GPR39: variants seen among roughly 807,000 people sequenced by gnomAD.
GPR39 encodes the protein zinc sensing receptor.
GPR39 carries 23 observed loss-of-function variants against 18.4 expected under a neutral mutation model. The ratio of observed to expected loss-of-function variants is 1.25; its 90% CI spans 0.90 to 1.77. The LOEUF is 1.77. Among genes scored for constraint, GPR39 ranks in the 40% most tolerant of loss-of-function variants. The probability of loss-of-function intolerance (pLI) is 0.00; values close to 1 mark genes in which losing one functional copy is unlikely to be tolerated. For synonymous variants in GPR39, 280 were observed against 257.9 expected (o/e 1.09, Z -0.82); for missense variants, 647 against 602.4 (o/e 1.07, Z -0.78).
chr2:132,425,150 C>G (rs937914036), intron 1 of GPR39, among the ~76,000 whole-genome samples: 3 of 152,210 alleles, frequency 2.0e-5, no homozygotes, highest in African/African-American at 7.2e-5. Flanking sequence ...ACCACTTACA[C>G]TAGCATTCTG....
intron 1 of GPR39, among the ~76,000 whole-genome samples, chr2:132,450,275 CATAGA>C: frequency 1.3e-5 from 2 of 152,298 alleles, no homozygotes; most frequent in African/African-American, 4.8e-5. Flanking sequence ...TGCTGATCAG[CATAGA>C]ATTGATGCAA....
intron 1 of GPR39, among the ~76,000 whole-genome samples, chr2:132,487,857 G>T (rs917183055): frequency 2.6e-5 from 4 of 152,026 alleles, no homozygotes; most frequent in African/African-American, 9.7e-5. Context: ...TATTGGAAAA[G>T]AGGCAATATT....
intron 1 of GPR39, among the ~76,000 whole-genome samples, chr2:132,497,032 G>A (rs1055273068): frequency 1.3e-5 from 2 of 152,196 alleles, no homozygotes; most frequent in Admixed American, 1.3e-4. Flanking sequence ...TGACAGCAGT[G>A]ATTATCTGAT....
intron 1 of GPR39, among the ~76,000 whole-genome samples, chr2:132,441,285 T>G (rs1366290612): frequency 6.6e-6 from 1 of 152,190 alleles, no homozygotes; most frequent in African/African-American, 2.4e-5. Context: ...GACAGTTCCC[T>G]GTTTACAGAT....
intron 1 of GPR39, among the ~76,000 whole-genome samples, chr2:132,459,263 G>A (rs1314643434): frequency 6.6e-6 from 1 of 152,206 alleles, no homozygotes; most frequent in African/African-American, 2.4e-5. Flanking sequence ...AAGATTGAAT[G>A]TTAGTCATGT....
intron 1 of GPR39, among the ~76,000 whole-genome samples, chr2:132,437,224 T>G (rs552244318): frequency 6.6e-6 from 1 of 152,306 alleles, no homozygotes; most frequent in South Asian, 2.1e-4. Flanking sequence ...TGAACGATAT[T>G]CACCCATCCT....
At chr2:132,534,279 C>T (rs1380740777) in intron 1 of GPR39, among the ~76,000 whole-genome samples, 1 of 151,478 alleles carries the variant, frequency 6.6e-6, no homozygotes, top group African/African-American at 2.4e-5. Flanking sequence ...CAAATCAAAA[C>T]CACTATGAGA....
chr2:132,587,975 G>A (rs919099887), intron 1 of GPR39, among the ~76,000 whole-genome samples: 3 of 152,218 alleles, frequency 2.0e-5, no homozygotes, highest in African/African-American at 7.2e-5. Context: ...TAAGGTTCAT[G>A]AGTTTCATGG....
chr2:132,558,173 T>C lies in GPR39; in HGVS notation c.857-86928T>C, dbSNP rs569656466. Reference sequence around the variant, plus strand: ...GAATGTGACCCCTACAGAAGCGTCATCCTCCTTAGCTTCTCTAGCTCTGAC... The same window carrying C: ...GAATGTGACCCCTACAGAAGCGTCACCCTCCTTAGCTTCTCTAGCTCTGAC... On this transcript the variant is annotated intron_variant, in intron 1 of 1. Coordinates refer to ENST00000329321, the MANE Select transcript of GPR39 (RefSeq NM_001508.3). Among the ~76,000 whole-genome samples, 19 of 152,126 alleles carry C rather than the reference T, an allele frequency of 1.2e-4. No individual in the cohort carries two copies. The South Asian group carries it at 3.7e-3, about 30-fold the overall frequency.
At chr2:132,493,206 C>T (rs1681543360) in intron 1 of GPR39, among the ~76,000 whole-genome samples, 1 of 140,450 alleles carries the variant, frequency 7.1e-6, no homozygotes. Context: ...CATATATACA[C>T]CATATATGTA....
chr2:132,455,476 C>T (rs548822095), intron 1 of GPR39, among the ~76,000 whole-genome samples: 2 of 152,222 alleles, frequency 1.3e-5, no homozygotes, highest in South Asian at 4.2e-4. Flanking sequence ...GTTTCTCTAT[C>T]TCTTTCAGTT....
At chr2:132,630,504 T>C (rs146925093) in intron 1 of GPR39, among the ~76,000 whole-genome samples, 22 of 152,254 alleles carry the variant, frequency 1.4e-4, no homozygotes, top group African/African-American at 5.3e-4. Flanking sequence ...TTAGATCCTG[T>C]AGGACTTGTT....
intron 1 of GPR39, among the ~76,000 whole-genome samples, chr2:132,639,871 C>T (rs557555097): frequency 7.9e-5 from 12 of 152,194 alleles, no homozygotes; most frequent in African/African-American, 2.9e-4. Flanking sequence ...GCATCCCATG[C>T]TGTCAATGGT....
At chr2:132,511,868 A>T (rs1032934695) in intron 1 of GPR39, among the ~76,000 whole-genome samples, 3 of 116,836 alleles carry the variant, frequency 2.6e-5, no homozygotes, top group Middle Eastern at 4.9e-3. Flanking sequence ...AAGCAAAGTG[A>T]TGACTCAAGT....
chr2:132,628,369 G>C (rs752937705), intron 1 of GPR39, among the ~76,000 whole-genome samples: 4 of 152,156 alleles, frequency 2.6e-5, no homozygotes, highest in Non-Finnish European at 5.9e-5. Context: ...CCACAGGCTT[G>C]GGTCACATCA....
chr2:132,623,482 G>GTCAGGAA (rs1423542463), intron 1 of GPR39, among the ~76,000 whole-genome samples: 1 of 152,192 alleles, frequency 6.6e-6, no homozygotes, highest in African/African-American at 2.4e-5. Flanking sequence ...CACCTCAAAA[G>GTCAGGAA]TCAGGAATAA....
In GPR39 at chr2:132,562,436, G is replaced by A. The variant is rs75021005; in HGVS notation, c.857-82665G>A. Among the ~76,000 whole-genome samples the A allele has an allele frequency of 7.6e-3, 1,153 of 152,254 alleles. 14 individuals are homozygous for A. Among genetic ancestry groups the A allele is most frequent in the African/African-American group, 0.026 (1,091 of 41,538 alleles). On this transcript the variant is annotated intron_variant, in intron 1 of 1. Coordinates refer to ENST00000329321, the MANE Select transcript of GPR39 (RefSeq NM_001508.3). ...TTCTTCAGCCTCATTCCGTGTGGGTGCATCAGGACATCGTACTCAGGCTGT... is the reference window on the plus strand; with the variant it reads ...TTCTTCAGCCTCATTCCGTGTGGGTACATCAGGACATCGTACTCAGGCTGT...
At chr2:132,580,677 C>A (rs1380384036) in intron 1 of GPR39, among the ~76,000 whole-genome samples, 1 of 152,140 alleles carries the variant, frequency 6.6e-6, no homozygotes, top group Non-Finnish European at 1.5e-5. Flanking sequence ...TAAAAATTAA[C>A]TACAGGCTGG....
intron 1 of GPR39, among the ~76,000 whole-genome samples, chr2:132,637,130 C>T (rs1478922346): frequency 6.6e-6 from 1 of 152,208 alleles, no homozygotes; most frequent in Non-Finnish European, 1.5e-5. Flanking sequence ...ATTTATCATG[C>T]ATCATAAAGG....
Sources: gnomAD v4.1 joint callset for allele counts (sites outside exome capture counted in the v4.1 genomes callset) on GRCh38, gnomAD v4.1.1 for gene constraint, MANE v1.5 for transcripts, NCBI Gene and HGNC (gene_info 2026-07-23, HGNC 2026-07-21) for gene names.